MID1: variants seen among roughly 807,000 people sequenced by gnomAD.
The protein encoded by MID1 is E3 ubiquitin-protein ligase Midline-1.
In MID1, 7 loss-of-function variants were observed where a neutral mutation model predicts 40.4. That is an observed-to-expected ratio of 0.17 (90% CI 0.10 to 0.33). The LOEUF (loss-of-function observed/expected upper bound fraction) is 0.33. MID1 is among the 10% of genes least tolerant of loss of function. MID1 has a pLI of 1.00. For missense variants in MID1, 367 were observed against 558.5 expected (o/e 0.66, Z 3.46); for synonymous variants, 229 against 221.2 (o/e 1.04, Z -0.31).
intron 1 of MID1, among the ~76,000 whole-genome samples, chrX:10,644,224 C>G (rs781713278): frequency 3.9e-4 from 43 of 111,212 alleles, no homozygotes; most frequent in Middle Eastern, 4.6e-3. Flanking sequence ...TAACTACACA[C>G]CTTAACTACA....
At chrX:10,715,970 C>G (rs752720391) in intron 1 of MID1, among the ~76,000 whole-genome samples, 49 of 112,087 alleles carry the variant, frequency 4.4e-4, no homozygotes, top group African/African-American at 1.4e-3. Context: ...TCCAACAGAC[C>G]TGCAGCTGAG....
chrX:10,787,816 AT>A (rs2043898890), intron 1 of MID1, among the ~76,000 whole-genome samples: 1 of 109,251 alleles, frequency 9.2e-6, no homozygotes, highest in African/African-American at 3.3e-5. Context: ...ACTTAAAAAA[AT>A]AAACAACTTT....
At chrX:10,478,792 T>TA (rs1246821721) in intron 5 of MID1, among the ~76,000 whole-genome samples, 1 of 112,303 alleles carries the variant, frequency 8.9e-6, no homozygotes, top group African/African-American at 3.2e-5. Context: ...TTAAGTCGCT[T>TA]AACGATGCAG....
intron 1 of MID1, among the ~76,000 whole-genome samples, chrX:10,696,209 G>A (rs1216769055): frequency 2.7e-5 from 3 of 111,461 alleles, no homozygotes; most frequent in Admixed American, 9.6e-5. Context: ...TATGACCTTC[G>A]TCTAGGATCA....
At position 10,527,257 on chromosome X, in the gene MID1, C is replaced by A. The variant is rs1037076059; in HGVS notation, c.661-4070G>T. 2.2e-4 allele frequency among the ~76,000 whole-genome samples: 25 copies of A among 111,418 alleles called. No homozygotes were observed. The Middle Eastern group carries it at 0.014, about 62-fold the overall frequency. On this transcript the variant is annotated intron_variant, in intron 2 of 9. Coordinates refer to ENST00000317552, the MANE Select transcript of MID1 (RefSeq NM_000381.4). ...TATATTGACATCTCCTTACTCAAGGCAAGTTTTGTAGAAATCCAAGGAGTC... is the reference window on the plus strand; with the variant it reads ...TATATTGACATCTCCTTACTCAAGGAAAGTTTTGTAGAAATCCAAGGAGTC...
intron 1 of MID1, among the ~76,000 whole-genome samples, chrX:10,598,649 A>G (rs1169956502): frequency 5.3e-5 from 6 of 112,383 alleles, no homozygotes; most frequent in Non-Finnish European, 1.1e-4. Context: ...TGGCCACTTA[A>G]GAAGGAATGC....
intron 1 of MID1, among the ~76,000 whole-genome samples, chrX:10,739,010 C>G (rs745468386): frequency 6.4e-5 from 7 of 110,032 alleles, no homozygotes; most frequent in African/African-American, 2.3e-4. Flanking sequence ...TCCTGTGTAC[C>G]AAGGTTTATT....
intron 3 of MID1, among the ~76,000 whole-genome samples, chrX:10,511,379 AAT>A (rs753779941): frequency 9.0e-6 from 1 of 111,316 alleles, no homozygotes; most frequent in Non-Finnish European, 1.9e-5. Context: ...CCCAAGTTGT[AAT>A]ATATATATAT....
chrX:10,823,330 G>A (rs990625268), intron 1 of MID1, among the ~76,000 whole-genome samples: 4 of 108,945 alleles, frequency 3.7e-5, no homozygotes, highest in African/African-American at 1.0e-4. Flanking sequence ...TTGGGGAGGT[G>A]GGGGGATGGA....
At chrX:10,796,531 A>G (rs1315559745) in intron 1 of MID1, among the ~76,000 whole-genome samples, 1 of 107,878 alleles carries the variant, frequency 9.3e-6, no homozygotes, top group African/African-American at 3.4e-5. Context: ...ACAGTCCATC[A>G]ATCTGATTTG....
In MID1 at chrX:10,628,928, A is replaced by T. The variant is rs762727091; in HGVS notation, c.-186-8509T>A. On this transcript the variant is annotated intron_variant, in intron 1 of 10. Coordinates refer to the MID1 transcript ENST00000380785. ...TGGGACATCGGAATCCATCTCTCAA[A>T]CTCGAGAACCCATACTCTTTCCAGC... Among the ~76,000 whole-genome samples, 15 of 111,283 alleles carry T rather than the reference A, an allele frequency of 1.3e-4. No homozygotes were observed. The East Asian group carries it at 3.7e-3, about 27-fold the overall frequency.
At chrX:10,802,226 C>A (rs915701071) in intron 1 of MID1, among the ~76,000 whole-genome samples, 1 of 111,575 alleles carries the variant, frequency 9.0e-6, no homozygotes, top group African/African-American at 3.3e-5. Context: ...CAAACAAAAA[C>A]TATCAACCGA....
chrX:10,470,785 C>T (rs190165720), intron 6 of MID1, among the ~76,000 whole-genome samples: 107 of 112,184 alleles, frequency 9.5e-4, no homozygotes, highest in African/African-American at 3.2e-3. Flanking sequence ...AAAATGACTT[C>T]TACTGAATTG....
intron 2 of MID1, chrX:10,565,350 G>A (rs1198032609): frequency 6.1e-6 from 2 of 328,133 alleles, no homozygotes; most frequent in African/African-American, 5.3e-5. Flanking sequence ...TCAGCATGTC[G>A]GCTTCCCTCA....
rs773182334 is a variant in MID1, at chrX:10,627,192, G to A, written c.-186-6773C>T. On this transcript the variant is annotated intron_variant, in intron 1 of 10. Transcript: ENST00000380785. ...TCTTGTCCTTAAAGTCACTTCCTAT[G>A]AACTAGCAGTGTTTTATTATCATCT... 1.5e-4 allele frequency among the ~76,000 whole-genome samples: 17 copies of A among 112,095 alleles called. No homozygotes were observed. In the South Asian group the frequency reaches 6.4e-3, roughly 42 times the overall value.
chrX:10,516,560 T>TTGTG (rs57101806), intron 3 of MID1, among the ~76,000 whole-genome samples: 2,073 of 73,268 alleles, frequency 0.028, 39 homozygotes, highest in African/African-American at 0.05. Context: ...TACTCTGCTC[T>TTGTG]TGTGTGTGTG....
At chrX:10,764,370 C>G in intron 1 of MID1, among the ~76,000 whole-genome samples, 1 of 111,548 alleles carries the variant, frequency 9.0e-6, no homozygotes, top group East Asian at 2.8e-4. Context: ...GATCCAGTTT[C>G]AGGTTTCTAC....
intron 1 of MID1, among the ~76,000 whole-genome samples, chrX:10,572,141 TTCTCTCTCTCTTTC>T (rs1934747752): frequency 1.1e-5 from 1 of 92,604 alleles, no homozygotes; most frequent in South Asian, 5.0e-4. Flanking sequence ...CTCTCTCCCT[TTCTCTCTCTCTTTC>T]TCTCTCTCTC....
chrX:10,726,006 C>A (rs1236438126), intron 1 of MID1, among the ~76,000 whole-genome samples: 1 of 112,445 alleles, frequency 8.9e-6, no homozygotes, highest in Non-Finnish European at 1.9e-5. Context: ...ACCTAAGCCT[C>A]CTCAATTCTA....
Sources: gnomAD v4.1 joint callset for allele counts (sites outside exome capture counted in the v4.1 genomes callset) on GRCh38, gnomAD v4.1.1 for gene constraint, MANE v1.5 for transcripts, NCBI Gene and HGNC (gene_info 2026-07-23, HGNC 2026-07-21) for gene names.